TM2D3: variants seen among roughly 807,000 people sequenced by gnomAD.
TM2D3 encodes the protein TM2 domain-containing protein 3.
Under a neutral mutation model 27.3 loss-of-function variants are expected in TM2D3, and 33 were observed. That is an observed-to-expected ratio of 1.21 (90% CI 0.92 to 1.61). TM2D3 has a LOEUF of 1.61. Among genes scored for constraint, TM2D3 ranks in the 40% most tolerant of loss-of-function variants. The pLI is 0.00. For missense variants in TM2D3, 364 were observed against 320.8 expected (o/e 1.13, Z -1.03); for synonymous variants, 138 against 122.2 (o/e 1.13, Z -0.85).
chr15:101,634,616 C>T (rs1194775519), intron 4 of TM2D3: 1 of 152,158 alleles, frequency 6.6e-6, no homozygotes, highest in Admixed American at 6.5e-5. Flanking sequence ...TGATAAAACA[C>T]ATGACCTGGA....
chr15:101,636,776 TC>T, intron 4 of TM2D3: 1 of 240,202 alleles, frequency 4.2e-6, no homozygotes, highest in Non-Finnish European at 8.8e-6. Flanking sequence ...TCACTTTACA[TC>T]CCCACCAGCA....
At chr15:101,635,854 A>G (rs949210731) in intron 4 of TM2D3, 1 of 152,154 alleles carries the variant, frequency 6.6e-6, no homozygotes, top group African/African-American at 2.4e-5. Flanking sequence ...ATTTTCCTCA[A>G]GATGAACTCT....
intron 5 of TM2D3, 69 bp from the exon 6 acceptor site, chr15:101,642,713 TCAC>T (rs1288318321): frequency 4.4e-6 from 6 of 1,366,182 alleles, no homozygotes; most frequent in South Asian, 2.9e-5. Context: ...CACGGTTTAA[TCAC>T]CACATTATGT....
In TM2D3 at chr15:101,645,073, G is replaced by A. The variant is rs771412733; in HGVS notation, c.578+14C>T. On this transcript the variant is annotated intron_variant, in intron 5 of 5. Transcript: ENST00000333202. Reference sequence around the variant, plus strand: ...TGCAAACGGCCTTTTACACTTACGAGTAACAAGGCTTACCTTAGAGCCAGA... The same window carrying A: ...TGCAAACGGCCTTTTACACTTACGAATAACAAGGCTTACCTTAGAGCCAGA... The A allele has an allele frequency of 2.4e-5, 38 of 1,609,952 alleles. No individual in the cohort carries two copies. Among genetic ancestry groups the A allele is most frequent in the Admixed American group, 3.4e-5 (2 of 59,610 alleles).
chr15:101,633,732 T>C, intron 4 of TM2D3: 5 of 1,529,264 alleles, frequency 3.3e-6, no homozygotes, highest in Non-Finnish European at 4.4e-6. Context: ...CTGCAGACTA[T>C]ACCCAAAAAG....
intron 5 of TM2D3, 105 bp from the exon 6 acceptor site, chr15:101,642,749 C>A: frequency 1.1e-6 from 1 of 905,908 alleles, no homozygotes; most frequent in East Asian, 3.0e-5. Flanking sequence ...AGGGCTTCCC[C>A]TGATCGTAGC....
Position 101,642,008 on chromosome 15 carries a change from T to A in TM2D3, c.*471A>T. The A allele has an allele frequency of 1.0e-6, 1 of 986,048 alleles. No individual in the cohort carries two copies. 61.1% of individuals were successfully genotyped at this position (986,048 alleles called of 1,614,324 possible). A position where few individuals can be genotyped will look rare whatever the true frequency, so the allele number is the denominator to read the frequency against. ...TGTATTACACTGCAAAACTTACACA[T>A]GACTGAAGCTGAGCCTAATAACTTC... is the stretch of plus-strand genomic sequence containing the variant. On this transcript the variant is annotated 3_prime_UTR_variant, in exon 6 of 6. Transcript: ENST00000333202.
chr15:101,640,885 A>C (rs944808503), downstream of TM2D3, among the ~76,000 whole-genome samples: 1 of 152,200 alleles, frequency 6.6e-6, no homozygotes, highest in African/African-American at 2.4e-5. Flanking sequence ...CTTTACTCTC[A>C]GACACTGCAG....
downstream of TM2D3, among the ~76,000 whole-genome samples, chr15:101,640,646 G>A (rs1567309906): frequency 6.6e-6 from 1 of 152,118 alleles, no homozygotes; most frequent in Non-Finnish European, 1.5e-5. Context: ...TTCTTTTTGG[G>A]GCTGTGTATG....
chr15:101,636,319 A>C (rs1896549672), intron 4 of TM2D3: 1 of 152,248 alleles, frequency 6.6e-6, no homozygotes, highest in Admixed American at 6.5e-5. Flanking sequence ...TTGCAATCCA[A>C]GATACCCATG....
At chr15:101,646,444 G>A in intron 4 of TM2D3, 1 of 424,836 alleles carries the variant, frequency 2.4e-6, no homozygotes. Flanking sequence ...TATTGGTGCT[G>A]CTTTCATTGT....
downstream of TM2D3, among the ~76,000 whole-genome samples, chr15:101,641,198 C>T (rs972696555): frequency 1.3e-5 from 2 of 152,200 alleles, no homozygotes; most frequent in Non-Finnish European, 2.9e-5. Context: ...TCTTTGCTCT[C>T]AGAAAGAAAG....
At chr15:101,645,958 A>G (rs1162041638) in intron 4 of TM2D3, 1 of 152,294 alleles carries the variant, frequency 6.6e-6, no homozygotes, top group African/African-American at 2.4e-5. Context: ...GAACAGTTAC[A>G]TAGCGCGGGT....
rs1196084251 is a variant in TM2D3, at chr15:101,652,129, G to C, written c.91+142C>G. 3.7e-6 allele frequency: 3 copies of C among 805,650 alleles called. No individual in the cohort carries two copies. In the East Asian group the frequency reaches 9.5e-5, roughly 25 times the overall value. 49.9% of individuals were successfully genotyped at this position (805,650 alleles called of 1,614,324 possible). A position where few individuals can be genotyped will look rare whatever the true frequency, so the allele number is the denominator to read the frequency against. On this transcript the variant is annotated intron_variant, in intron 1 of 5. Transcript: ENST00000333202. ...CGGGCGGCCAGGGCGCCAGACTCCA[G>C]ATGCAGCGACAAGCGGCCCGGAGCC...
At chr15:101,647,446 G>A (rs1567313074) in intron 3 of TM2D3, among the ~76,000 whole-genome samples, 1 of 152,266 alleles carries the variant, frequency 6.6e-6, no homozygotes, top group Non-Finnish European at 1.5e-5. Flanking sequence ...TGCACAGCCT[G>A]GCAACTCAGG....
rs1049799645 is a variant in TM2D3, at chr15:101,646,990, C to T, written c.328-91G>A. ...CTACACAGTCACATGGCACAAAATT[C>T]CGTAAATGCTTGTATTTAGGACCTA... On this transcript the variant is annotated intron_variant, in intron 3 of 5. Coordinates refer to ENST00000333202, the MANE Select transcript of TM2D3 (RefSeq NM_078474.3). 5 of 1,419,758 alleles carry T rather than the reference C, an allele frequency of 3.5e-6. No homozygotes were observed. In the Admixed American group the frequency reaches 7.2e-5, roughly 20 times the overall value. The allele number at this position is 1,419,758 out of a possible 1,614,324, so 87.9% of individuals were successfully genotyped here.
At chr15:101,640,794 G>A (rs1896648856), downstream of TM2D3, among the ~76,000 whole-genome samples, 1 of 152,188 alleles carries the variant, frequency 6.6e-6, no homozygotes, top group African/African-American at 2.4e-5. Context: ...CAGGTTCCAA[G>A]GGCTATGCCC....
At chr15:101,643,277 T>C (rs560052580) in intron 5 of TM2D3, among the ~76,000 whole-genome samples, 2 of 152,128 alleles carry the variant, frequency 1.3e-5, no homozygotes, top group African/African-American at 2.4e-5. Flanking sequence ...AAGCAAACCT[T>C]GGGCATCATC....
downstream of TM2D3, among the ~76,000 whole-genome samples, chr15:101,639,916 G>A (rs1896629906): frequency 6.6e-6 from 1 of 152,178 alleles, no homozygotes; most frequent in African/African-American, 2.4e-5. Context: ...GGAGGGGGTA[G>A]ACATAAATAA....
Sources: allele counts gnomAD v4.1 joint callset (sites outside exome capture counted in the v4.1 genomes callset), GRCh38; gene constraint gnomAD v4.1.1; transcripts MANE v1.5; gene names NCBI Gene and HGNC (gene_info 2026-07-23, HGNC 2026-07-21).